Variants in CSMD1 observed in about 807,000 individuals in gnomAD.
The protein encoded by CSMD1 is CUB and sushi domain-containing protein 1.
Under a neutral mutation model 417.5 loss-of-function variants are expected in CSMD1, and 213 were observed. The ratio of observed to expected loss-of-function variants is 0.51; its 90% CI spans 0.46 to 0.57. The LOEUF (loss-of-function observed/expected upper bound fraction) is 0.57. Ranked by LOEUF, CSMD1 falls within the 20% of genes least tolerant of loss-of-function variation. CSMD1 has a pLI of 0.00. For missense variants in CSMD1, 6,923 were observed against 4,529.7 expected (o/e 1.53, Z -15.17); for synonymous variants, 2,862 against 1,736.8 (o/e 1.65, Z -16.11).
At chr8:3,676,347 C>T (rs775443278) in intron 7 of CSMD1, among the ~76,000 whole-genome samples, 50 of 152,176 alleles carry the variant, frequency 3.3e-4, no homozygotes, top group Non-Finnish European at 6.5e-4. Context: ...GGTGGGTGGC[C>T]GCCCGCCAGG....
intron 49 of CSMD1, among the ~76,000 whole-genome samples, chr8:3,060,575 A>C (rs1417022959): frequency 6.6e-6 from 1 of 152,200 alleles, no homozygotes; most frequent in Non-Finnish European, 1.5e-5. Flanking sequence ...GATTGTTGTA[A>C]GTTGGTTTAC....
At chr8:3,993,539 T>C (rs1052785766) in intron 5 of CSMD1, among the ~76,000 whole-genome samples, 2 of 152,186 alleles carry the variant, frequency 1.3e-5, no homozygotes, top group East Asian at 1.9e-4. Flanking sequence ...AATAGTAAAA[T>C]TGTGCTGGTT....
intron 1 of CSMD1, among the ~76,000 whole-genome samples, chr8:4,878,287 T>G (rs1803175250): frequency 6.6e-6 from 1 of 152,044 alleles, no homozygotes; most frequent in Non-Finnish European, 1.5e-5. Flanking sequence ...TTGACCAACT[T>G]AACACAACGC....
chr8:3,317,094 G>A (rs1223651194), intron 23 of CSMD1, among the ~76,000 whole-genome samples: 1 of 152,136 alleles, frequency 6.6e-6, no homozygotes, highest in African/African-American at 2.4e-5. Context: ...GGTCTGTGAT[G>A]AAGAGAGGAC....
At chr8:4,505,686 T>C (rs1312172823) in intron 2 of CSMD1, among the ~76,000 whole-genome samples, 1 of 152,062 alleles carries the variant, frequency 6.6e-6, no homozygotes, top group Non-Finnish European at 1.5e-5. Flanking sequence ...GCTGAGGGAG[T>C]TCTAAGAGCT....
chr8:4,990,369 A>ATT (rs10625552), intron 1 of CSMD1, among the ~76,000 whole-genome samples: 52,846 of 150,324 alleles, frequency 0.35, 9,559 homozygotes, highest in Middle Eastern at 0.48. Flanking sequence ...AGGGGTTCAC[A>ATT]TTTTTTTTTT....
chr8:3,389,740 A>C (rs1193615749), intron 17 of CSMD1, among the ~76,000 whole-genome samples: 1 of 152,172 alleles, frequency 6.6e-6, no homozygotes, highest in Non-Finnish European at 1.5e-5. Context: ...AAAGAGACAA[A>C]CTGCGGTAGA....
At position 4,938,073 on chromosome 8, in the gene CSMD1, T is replaced by G. The variant is rs1339187590; in HGVS notation, c.85+56259A>C. On this transcript the variant is annotated intron_variant, in intron 1 of 69. Transcript: ENST00000635120. ...CAAAAAGTATTAATTTCCAAATGAT[T>G]AAAATTTTATCCCTTTTAGTAGCAA... Among the ~76,000 whole-genome samples the G allele has an allele frequency of 3.3e-5, 5 of 152,302 alleles. No homozygotes were observed. In the East Asian group the frequency reaches 7.7e-4, roughly 23 times the overall value.
chr8:4,419,234 G>C (rs923342500), intron 3 of CSMD1, among the ~76,000 whole-genome samples: 7 of 152,098 alleles, frequency 4.6e-5, no homozygotes, highest in Non-Finnish European at 1.0e-4. Flanking sequence ...AGTAGCTCTT[G>C]TATTACGTGT....
intron 3 of CSMD1, among the ~76,000 whole-genome samples, chr8:4,237,002 C>G (rs907957239): frequency 1.1e-4 from 16 of 152,222 alleles, no homozygotes; most frequent in African/African-American, 3.9e-4. Flanking sequence ...CACACAAGAT[C>G]TTAAATCGCG....
chr8:4,837,081 T>G (rs892744048), intron 1 of CSMD1, among the ~76,000 whole-genome samples: 2 of 151,666 alleles, frequency 1.3e-5, no homozygotes, highest in African/African-American at 2.4e-5. Context: ...CAGAAAGAAG[T>G]GGTAATTAAT....
intron 3 of CSMD1, among the ~76,000 whole-genome samples, chr8:4,376,144 T>C (rs569228005): frequency 8.7e-4 from 132 of 152,372 alleles, no homozygotes; most frequent in African/African-American, 3.1e-3. Context: ...CTGCAAACTT[T>C]ATGCTCTAAC....
intron 5 of CSMD1, among the ~76,000 whole-genome samples, chr8:3,977,854 G>T (rs1391209356): frequency 6.6e-6 from 1 of 152,168 alleles, no homozygotes; most frequent in Non-Finnish European, 1.5e-5. Context: ...AAATAACTAA[G>T]GAAAATAGGC....
At chr8:3,626,492 A>G (rs1796499566) in intron 7 of CSMD1, among the ~76,000 whole-genome samples, 1 of 152,096 alleles carries the variant, frequency 6.6e-6, no homozygotes, top group South Asian at 2.1e-4. Flanking sequence ...TATATTTTAG[A>G]AACATATATA....
intron 1 of CSMD1, among the ~76,000 whole-genome samples, chr8:4,918,988 C>T (rs964094393): frequency 6.6e-6 from 1 of 152,080 alleles, no homozygotes; most frequent in South Asian, 2.1e-4. Flanking sequence ...GTTGTTTGGG[C>T]ACCTAAAATA....
chr8:3,174,403 G>A (rs1270073956), intron 37 of CSMD1, among the ~76,000 whole-genome samples: 1 of 152,140 alleles, frequency 6.6e-6, no homozygotes, highest in South Asian at 2.1e-4. Context: ...GCTGAGGTGG[G>A]AGGATTGCTT....
chr8:4,147,259 G>A (rs1005713696), intron 3 of CSMD1, among the ~76,000 whole-genome samples: 3 of 152,000 alleles, frequency 2.0e-5, no homozygotes, highest in Admixed American at 6.6e-5. Flanking sequence ...ATCCTTCAGC[G>A]GCTCCTCCTC....
intron 5 of CSMD1, among the ~76,000 whole-genome samples, chr8:3,933,087 A>G (rs1426674913): frequency 3.3e-5 from 5 of 149,784 alleles, no homozygotes; most frequent in African/African-American, 9.9e-5. Context: ...CAAAAGAAAC[A>G]ACATTATTTT....
Position 3,193,715 on chromosome 8 carries a change from T to C in CSMD1, c.5195-3600A>G, listed in dbSNP as rs372702411. Among the ~76,000 whole-genome samples the C allele has an allele frequency of 5.3e-5, 8 of 152,178 alleles. No individual in the cohort carries two copies. The East Asian group carries it at 1.5e-3, about 29-fold the overall frequency. On this transcript the variant is annotated intron_variant, in intron 33 of 69. Transcript: ENST00000635120. ...GGTGATCAACAAAATGATTGACTTCTCAGGCCAGACAACCGTGTTTCTTCA... is the reference window on the plus strand; with the variant it reads ...GGTGATCAACAAAATGATTGACTTCCCAGGCCAGACAACCGTGTTTCTTCA...
Sources: gnomAD v4.1 joint callset for allele counts (sites outside exome capture counted in the v4.1 genomes callset) on GRCh38, gnomAD v4.1.1 for gene constraint, MANE v1.5 for transcripts, NCBI Gene and HGNC (gene_info 2026-07-23, HGNC 2026-07-21) for gene names.